Variants in CDKN3 observed in about 807,000 individuals in gnomAD.
CDKN3 encodes cyclin-dependent kinase inhibitor 3.
A neutral mutation model predicts 36.1 loss-of-function variants in CDKN3; 19 were observed. That is an observed-to-expected ratio of 0.53 (90% CI 0.37 to 0.77). The LOEUF (loss-of-function observed/expected upper bound fraction) is 0.77. Ranked by LOEUF, CDKN3 falls within the 30% of genes least tolerant of loss-of-function variation. CDKN3 has a pLI of 0.00. For synonymous variants in CDKN3, 71 were observed against 85.3 expected, an observed-to-expected ratio of 0.83 and a Z score of 0.92; for missense variants, 188 against 248.6, an observed-to-expected ratio of 0.76 and a Z score of 1.64.
At chr14:54,413,732 T>C in intron 5 of CDKN3, 2 of 1,527,214 alleles carry the variant, frequency 1.3e-6, no homozygotes, top group Non-Finnish European at 1.7e-6. Flanking sequence ...CCTTTTTCAC[T>C]GACCTGTTGT....
At chr14:54,412,845 G>A (rs1239267112) in intron 5 of CDKN3, 1 of 515,254 alleles carries the variant, frequency 1.9e-6, no homozygotes, top group Admixed American at 2.0e-5. Flanking sequence ...AATAAGGTAG[G>A]GTATTAAATA....
At chr14:54,414,200 C>T (rs1158357501) in intron 5 of CDKN3, 1 of 153,588 alleles carries the variant, frequency 6.5e-6, no homozygotes, top group Admixed American at 6.5e-5. Context: ...AATAAGGTCC[C>T]ACTCACAGGT....
chr14:54,410,371 G>A (rs1192932470), intron 4 of CDKN3, among the ~76,000 whole-genome samples: 1 of 152,142 alleles, frequency 6.6e-6, no homozygotes, highest in Non-Finnish European at 1.5e-5. Flanking sequence ...TTCATGAGAA[G>A]GTACTTTGTA....
intron 4 of CDKN3, among the ~76,000 whole-genome samples, chr14:54,409,814 G>T (rs541022409): frequency 1.2e-4 from 18 of 150,854 alleles, no homozygotes; most frequent in African/African-American, 4.4e-4. Context: ...GTCTTGCTCT[G>T]TCATCCAGGC....
chr14:54,399,871 TTAACA>T lies in CDKN3; in HGVS notation c.10-16_10-12del, dbSNP rs1566703099. Reference sequence around the variant, plus strand: ...CTACAAAAAAATTCTTTACAGTTATTTAACATAACATTTCTTTTGAAGCCCAGTTC... The same window carrying T: ...CTACAAAAAAATTCTTTACAGTTATTTAACATTTCTTTTGAAGCCCAGTTC... On this transcript the variant is annotated intron_variant, in intron 1 of 7. Coordinates refer to ENST00000335183, the MANE Select transcript of CDKN3 (RefSeq NM_005192.4). 12 of 1,301,624 alleles carry T rather than the reference TTAACA, an allele frequency of 9.2e-6. No homozygotes were observed. Among genetic ancestry groups the T allele is most frequent in the Middle Eastern group, 3.7e-4 (2 of 5,412 alleles). The allele number at this position is 1,301,624 out of a possible 1,614,324, so 80.6% of individuals were successfully genotyped here.
intron 3 of CDKN3, among the ~76,000 whole-genome samples, chr14:54,403,008 A>C (rs1183178962): frequency 6.6e-6 from 1 of 150,472 alleles, no homozygotes; most frequent in Non-Finnish European, 1.5e-5. Context: ...TGTTCTTTTT[A>C]CTTAGGATTG....
At chr14:54,400,090 G>C in intron 2 of CDKN3, 114 bp downstream of exon 2, 1 of 655,972 alleles carries the variant, frequency 1.5e-6, no homozygotes, top group Non-Finnish European at 2.8e-6. Flanking sequence ...AAAATGTTAA[G>C]GGATTATCCC....
At chr14:54,401,622 T>C (rs1456065033) in intron 3 of CDKN3, 43 bp downstream of exon 3, 2 of 1,313,330 alleles carry the variant, frequency 1.5e-6, no homozygotes, top group Non-Finnish European at 2.1e-6. Context: ...ATGTATATAT[T>C]TTTTAATATA....
At chr14:54,405,625 G>A (rs375980873) in intron 3 of CDKN3, among the ~76,000 whole-genome samples, 1 of 151,894 alleles carries the variant, frequency 6.6e-6, no homozygotes, top group African/African-American at 2.4e-5. Context: ...ATCTTTGTTG[G>A]TTTAAAGTCT....
intron 1 of CDKN3, among the ~76,000 whole-genome samples, chr14:54,397,706 C>A (rs1468878334): frequency 1.3e-5 from 2 of 152,228 alleles, no homozygotes. Context: ...AAAGAAAAAA[C>A]AGATGCAGGC....
chr14:54,420,021 C>A lies in CDKN3; in HGVS notation c.582C>A (p.Asp194Glu), dbSNP rs2030674603. ...ACAATTATCTTCATGAGTTTCGGGA[C>A]AAATTAGCTGCACATCTATCATCAA... ...KQYNYLHEFRDKLAAHLSSRD... is the reference protein window; with the variant it reads ...KQYNYLHEFREKLAAHLSSRD... The change falls in exon 8 of 8, where the codon GAC becomes GAA. Residue 194 changes from aspartate (D) to glutamate (E), a missense_variant. By Grantham distance (45) the Asp-to-Glu change is conservative. Coordinates refer to ENST00000335183, the MANE Select transcript of CDKN3 (RefSeq NM_005192.4). 1.2e-6 allele frequency: 2 copies of A among 1,609,048 alleles called. No individual in the cohort carries two copies. The highest frequency in any genetic ancestry group is 1.3e-5 in the African/African-American group (1 of 74,734).
intron 6 of CDKN3, 56 bp from the exon 7 acceptor site, chr14:54,417,792 T>A: frequency 1.1e-6 from 1 of 934,198 alleles, no homozygotes; most frequent in Non-Finnish European, 1.7e-6. Flanking sequence ...TATAAAATGC[T>A]GTACCCTGTC....
rs35670197 is a variant in CDKN3, at chr14:54,414,709, C to CTTT, written c.417-1172_417-1170dup. ...TTCAGGTGTGCGCCACCGTGCCAGG[C>CTTT]TTTTTTTTTTTTTTTTTTTTGGAGA... is the stretch of plus-strand genomic sequence containing the variant. On this transcript the variant is annotated intron_variant, in intron 5 of 7. Coordinates refer to ENST00000335183, the MANE Select transcript of CDKN3 (RefSeq NM_005192.4). Among the ~76,000 whole-genome samples, 514 of 102,124 alleles carry CTTT rather than the reference C, an allele frequency of 5.0e-3. 17 individuals carry two copies. The highest frequency in any genetic ancestry group is 0.019 in the African/African-American group (466 of 25,150). 67.0% of individuals were successfully genotyped at this position (102,124 alleles called of 152,430 possible).
At chr14:54,410,546 G>A (rs1485816636) in intron 4 of CDKN3, among the ~76,000 whole-genome samples, 2 of 152,138 alleles carry the variant, frequency 1.3e-5, no homozygotes, top group Non-Finnish European at 2.9e-5. Context: ...TCATTATAAT[G>A]AGAATAGCTA....
At chr14:54,405,321 T>G (rs2030118063) in intron 3 of CDKN3, among the ~76,000 whole-genome samples, 2 of 152,224 alleles carry the variant, frequency 1.3e-5, no homozygotes, top group South Asian at 2.1e-4. Flanking sequence ...ATTCTGATGA[T>G]TTGGGGTGGA....
In CDKN3 at chr14:54,397,021, G is replaced by C. The variant is rs1375532504; in HGVS notation, c.-48G>C. 4 of 1,453,390 alleles carry C rather than the reference G, an allele frequency of 2.8e-6. No homozygotes were observed. The Admixed American group carries it at 8.1e-5, about 29-fold the overall frequency. 90.0% of individuals were successfully genotyped at this position (1,453,390 alleles called of 1,614,324 possible). Reference sequence around the variant, plus strand: ...TCGGCCGGGGCACCGGTGAGTCGCCGGCGCTGCAGAGGGAGGCGGCACTGG... The same window carrying C: ...TCGGCCGGGGCACCGGTGAGTCGCCCGCGCTGCAGAGGGAGGCGGCACTGG... On this transcript the variant is annotated 5_prime_UTR_variant, in exon 1 of 8. Coordinates refer to ENST00000335183, the MANE Select transcript of CDKN3 (RefSeq NM_005192.4).
At position 54,399,939 on chromosome 14, in the gene CDKN3, C is replaced by T. The variant is rs2139965099; in HGVS notation, c.55C>T (p.Pro19Ser). The T allele has an allele frequency of 1.3e-6, 2 of 1,575,024 alleles. No homozygotes were observed. The highest frequency in any genetic ancestry group is 2.2e-5 in the South Asian group (2 of 90,212). The stretch of plus-strand genomic sequence containing the variant: ...TGAGTTTGACTCATCAGATGAAGAG[C>T]CTATTGAAGATGAACAGACTCCAAT... ...TSEFDSSDEE[P>S]IEDEQTPIHI... is the part of the protein sequence containing the mutation. Residue 19 changes from proline to serine, a missense_variant, in exon 2 of 8, where the codon CCT becomes TCT. By Grantham distance (74) the Pro-to-Ser change is moderately conservative (BLOSUM62 -1). Transcript: ENST00000335183.
chr14:54,419,013 G>A (rs901017156), intron 7 of CDKN3, among the ~76,000 whole-genome samples: 3 of 152,000 alleles, frequency 2.0e-5, no homozygotes, highest in Non-Finnish European at 4.4e-5. Flanking sequence ...ACAAAAATTA[G>A]CCAGGGTGGT....
chr14:54,402,895 T>C (rs2030010230), intron 3 of CDKN3, among the ~76,000 whole-genome samples: 1 of 152,208 alleles, frequency 6.6e-6, no homozygotes, highest in Admixed American at 6.5e-5. Flanking sequence ...CTCTGTTCTG[T>C]TCCATTGGTC....
Sources: gnomAD v4.1 joint callset for allele counts (sites outside exome capture counted in the v4.1 genomes callset) on GRCh38, gnomAD v4.1.1 for gene constraint, MANE v1.5 for transcripts, NCBI Gene and HGNC (gene_info 2026-07-23, HGNC 2026-07-21) for gene names.